The following ZNF496 variants were observed in gnomAD, a reference collection of about 807,000 sequenced individuals.
ZNF496 encodes the protein NSD1 (nuclear receptor binding SET-domain containing 1)-interacting zinc finger protein 1.
In ZNF496, 11 loss-of-function variants were observed where a neutral mutation model predicts 58.9. The ratio of observed to expected loss-of-function variants is 0.19; its 90% CI spans 0.12 to 0.31. ZNF496 has a LOEUF of 0.31. Among genes scored for constraint, ZNF496 ranks in the 10% least tolerant of loss-of-function variants. The pLI is 1.00. For missense variants in ZNF496, 660 were observed against 783.0 expected (o/e 0.84, Z 1.88); for synonymous variants, 338 against 318.2 (o/e 1.06, Z -0.66).
Position 247,309,288 on chromosome 1 carries a change from GAT to G in ZNF496, c.892+409_892+410del. The G allele has an allele frequency of 1.4e-6, 1 of 695,042 alleles. No individual in the cohort carries two copies. The highest frequency in any genetic ancestry group is 1.8e-6 in the Non-Finnish European group (1 of 551,832). 43.1% of individuals were successfully genotyped at this position (695,042 alleles called of 1,614,324 possible). On this transcript the variant is annotated intron_variant, in intron 8 of 9. Coordinates refer to ENST00000682384, the MANE Select transcript of ZNF496 (RefSeq NM_032752.3). The surrounding 1 kb of genome is among the most constrained non-coding windows in gnomAD (Gnocchi z 4.3). ...CCTCACAGCACCCCTGTACCAGGCA[GAT>G]GGGAAGACTAGACAGGTGAGGCACC...
intron 6 of ZNF496, among the ~76,000 whole-genome samples, chr1:247,316,206 C>T (rs1206333320): frequency 1.2e-4 from 3 of 24,780 alleles, no homozygotes; most frequent in South Asian, 1.3e-3. Flanking sequence ...TGTGTGTGCG[C>T]GCGCGTGCGC....
intron 5 of ZNF496, among the ~76,000 whole-genome samples, chr1:247,326,276 C>T (rs887632353): frequency 6.6e-6 from 1 of 151,948 alleles, no homozygotes; most frequent in Admixed American, 6.6e-5. Flanking sequence ...TGGGGAAGAT[C>T]TTCAAGATGA....
rs1332540075 is a variant in ZNF496, at chr1:247,315,079, TTTTA to T, written c.652-4627_652-4624del. ...ACTAGTCTTTTTTTTTTTTTTTTTT[TTTTA>T]AAAAAAGCAAAAATATAGAGGGCAG... On this transcript the variant is annotated intron_variant, in intron 6 of 9. Transcript: ENST00000682384. Among the ~76,000 whole-genome samples, 108 of 138,294 alleles carry T rather than the reference TTTTA, an allele frequency of 7.8e-4. No individual in the cohort carries two copies. In the East Asian group the frequency reaches 0.01, roughly 13 times the overall value. The allele number at this position is 138,294 out of a possible 152,430, so 90.7% of individuals were successfully genotyped here.
rs1659519381 is a variant in ZNF496, at chr1:247,309,350, A to T, written c.892+349T>A. On this transcript the variant is annotated intron_variant, in intron 8 of 9. Coordinates refer to ENST00000682384, the MANE Select transcript of ZNF496 (RefSeq NM_032752.3). The surrounding 1 kb of genome is among the most constrained non-coding windows in gnomAD (Gnocchi z 4.3). ...TGCGCTCGGTGCCCAGTTAGGAGAC[A>T]CTCCCTCTGCAACTAGGCTTGTCAT... 1 of 1,095,252 alleles carries T rather than the reference A, an allele frequency of 9.1e-7. No homozygotes were observed. Among genetic ancestry groups the T allele is most frequent in the Non-Finnish European group, 1.1e-6 (1 of 896,266 alleles). The allele number at this position is 1,095,252 out of a possible 1,614,324, so 67.8% of individuals were successfully genotyped here.
In ZNF496 at chr1:247,329,208, G is replaced by C; in HGVS notation, c.371C>G (p.Pro124Arg). 1 of 1,613,498 alleles carries C rather than the reference G, an allele frequency of 6.2e-7. No individual in the cohort carries two copies. Among genetic ancestry groups the C allele is most frequent in the Non-Finnish European group, 8.5e-7 (1 of 1,180,018 alleles). The change falls in exon 4 of 10, where the codon CCC becomes CGC. Residue 124 changes from proline to arginine, a missense_variant. Pro to Arg is a moderately radical substitution (Grantham distance 103). Transcript: ENST00000682384. The surrounding 1 kb of genome is among the most constrained non-coding windows in gnomAD (Gnocchi z 5.5). ...ACTCACCCACTGCCAGGGTCTCCCG[G>C]GCTCCCGTTCCAGTGCCTCCACCGC... is the stretch of plus-strand genomic sequence containing the variant. ...VAAVEALERE[P>R]GRPWQWLKHC... is the part of the protein sequence containing the mutation.
chr1:247,328,950 G>A (rs1660227048), intron 4 of ZNF496, 84 bp from the exon 5 acceptor site: 1 of 1,490,450 alleles, frequency 6.7e-7, no homozygotes, highest in Non-Finnish European at 9.0e-7. Flanking sequence ...CTCCACAGCT[G>A]ACCATCAAAG....
At chr1:247,307,029 A>C in intron 9 of ZNF496, 1 of 919,606 alleles carries the variant, frequency 1.1e-6, no homozygotes, top group Non-Finnish European at 1.3e-6. Flanking sequence ...ATAAATAAAT[A>C]AGGATAAATG....
intron 9 of ZNF496, among the ~76,000 whole-genome samples, chr1:247,302,507 C>T (rs1171898200): frequency 1.3e-5 from 2 of 151,660 alleles, no homozygotes; most frequent in African/African-American, 2.4e-5. Flanking sequence ...ATTTTTTGTA[C>T]AGATGGGGTC....
In ZNF496 at chr1:247,297,718, GT is replaced by G. The variant is rs1222510332; in HGVS notation, c.*2800del. The stretch of plus-strand genomic sequence containing the variant: ...GTTGGCCGACCTCTCCTGAGAGCAC[GT>G]TCCCCCTGCTGCTCCTGCTGCATGG... On this transcript the variant is annotated 3_prime_UTR_variant, in exon 10 of 10. Transcript: ENST00000682384. 1 of 152,398 alleles carries G rather than the reference GT, an allele frequency of 6.6e-6. No individual in the cohort carries two copies. The highest frequency in any genetic ancestry group is 1.9e-4 in the East Asian group (1 of 5,182). 9.4% of individuals were successfully genotyped at this position (152,398 alleles called of 1,614,324 possible).
intron 6 of ZNF496, among the ~76,000 whole-genome samples, chr1:247,318,273 TC>T (rs1444065845): frequency 6.6e-6 from 1 of 152,170 alleles, no homozygotes; most frequent in African/African-American, 2.4e-5. Context: ...AAAACCTGTA[TC>T]CTTAGCAGTC....
chr1:247,329,678 C>G lies in ZNF496; in HGVS notation c.-37-63G>C. The G allele has an allele frequency of 6.9e-7, 1 of 1,447,944 alleles. No individual in the cohort carries two copies. The highest frequency in any genetic ancestry group is 9.2e-7 in the Non-Finnish European group (1 of 1,084,370). 89.7% of individuals were successfully genotyped at this position (1,447,944 alleles called of 1,614,324 possible). A position where few individuals can be genotyped will look rare whatever the true frequency, so the allele number is the denominator to read the frequency against. On this transcript the variant is annotated intron_variant, in intron 3 of 9. Transcript: ENST00000682384. This position sits in a 1 kb window ranked among gnomAD's most constrained non-coding sequence, Gnocchi z 5.5. Reference sequence around the variant, plus strand: ...GTCTCCTGTGGTCATTTCTGGGGGACAGTGACAAGGAAACTGTCAATGCCC... The same window carrying G: ...GTCTCCTGTGGTCATTTCTGGGGGAGAGTGACAAGGAAACTGTCAATGCCC...
At position 247,329,914 on chromosome 1, in the gene ZNF496, T is replaced by G. The variant is rs982679798; in HGVS notation, c.-38+52A>C. Reference sequence around the variant, plus strand: ...CAACGTGACACTGCTGTTTTGAGCATCCCAGGAAACCAACAGCGCCACATG... The same window carrying G: ...CAACGTGACACTGCTGTTTTGAGCAGCCCAGGAAACCAACAGCGCCACATG... On this transcript the variant is annotated intron_variant, in intron 3 of 9. Transcript: ENST00000682384. This position sits in a 1 kb window ranked among gnomAD's most constrained non-coding sequence, Gnocchi z 5.5. 7.8e-6 allele frequency: 2 copies of G among 255,524 alleles called. No individual in the cohort carries two copies. The highest frequency in any genetic ancestry group is 2.3e-5 in the African/African-American group (1 of 44,418). The allele number at this position is 255,524 out of a possible 1,614,324, so 15.8% of individuals were successfully genotyped here.
intron 5 of ZNF496, among the ~76,000 whole-genome samples, chr1:247,326,037 C>CATAT (rs536095555): frequency 1.2e-4 from 10 of 85,234 alleles, no homozygotes; most frequent in African/African-American, 2.7e-4. Context: ...TATACACACG[C>CATAT]ATATATATAT....
chr1:247,314,210 C>T (rs1307561079), intron 6 of ZNF496, among the ~76,000 whole-genome samples: 2 of 152,072 alleles, frequency 1.3e-5, no homozygotes, highest in Non-Finnish European at 2.9e-5. Flanking sequence ...AGGAGTGAGC[C>T]ACCACGCCTG....
At chr1:247,328,599 G>A in intron 5 of ZNF496, 84 bp downstream of exon 5, 1 of 1,382,818 alleles carries the variant, frequency 7.2e-7, no homozygotes, top group Non-Finnish European at 9.6e-7. Flanking sequence ...AAAGCCATCA[G>A]CTTAACAAAA....
intron 6 of ZNF496, chr1:247,313,153 G>T (rs1175329106): frequency 6.6e-6 from 1 of 152,152 alleles, no homozygotes; most frequent in Non-Finnish European, 1.5e-5. Context: ...CATTTATGAT[G>T]GATTTGCCCT....
At chr1:247,326,483 G>A (rs924701120) in intron 5 of ZNF496, among the ~76,000 whole-genome samples, 1 of 152,104 alleles carries the variant, frequency 6.6e-6, no homozygotes, top group African/African-American at 2.4e-5. Context: ...AGAAGCAACT[G>A]CACAGGCTAC....
rs527652470 is a variant in ZNF496, at chr1:247,308,462, G to C, written c.1006+13C>G. On this transcript the variant is annotated intron_variant, in intron 9 of 9. Transcript: ENST00000682384. This position sits in a 1 kb window ranked among gnomAD's most constrained non-coding sequence, Gnocchi z 4.5. ...CACAGGGACAAACCCATACCTCCCT[G>C]ACCCTTCTTTACCTGGGTAGGTGTT... 1.5e-5 allele frequency: 24 copies of C among 1,611,972 alleles called. No homozygotes were observed. Among genetic ancestry groups the C allele is most frequent in the Non-Finnish European group, 2.0e-5 (23 of 1,178,248 alleles).
intron 9 of ZNF496, chr1:247,306,986 T>C: frequency 3.4e-6 from 2 of 596,000 alleles, no homozygotes; most frequent in Non-Finnish European, 4.2e-6. Context: ...GTGCAATGTT[T>C]AGGACATAAA....
Sources: allele counts gnomAD v4.1 joint callset (sites outside exome capture counted in the v4.1 genomes callset), GRCh38; gene constraint gnomAD v4.1.1; non-coding constraint Gnocchi (gnomAD v3.1); transcripts MANE v1.5; gene names NCBI Gene and HGNC (gene_info 2026-07-23, HGNC 2026-07-21).